The following PTPRM variants were observed in gnomAD, a reference collection of about 807,000 sequenced individuals.
The protein encoded by PTPRM is receptor-type tyrosine-protein phosphatase mu.
Under a neutral mutation model 186.7 loss-of-function variants are expected in PTPRM, and 47 were observed. That is an observed-to-expected ratio of 0.25 (90% CI 0.20 to 0.32). PTPRM has a LOEUF of 0.32. Ranked by LOEUF, PTPRM falls within the 10% of genes least tolerant of loss-of-function variation. PTPRM has a pLI of 1.00. For missense variants in PTPRM, 1,494 were observed against 1,865.0 expected, an observed-to-expected ratio of 0.80 and a Z score of 3.66; for synonymous variants, 668 against 674.9, an observed-to-expected ratio of 0.99 and a Z score of 0.16.
At chr18:7,975,920 C>T (rs1336249351) in intron 7 of PTPRM, among the ~76,000 whole-genome samples, 2 of 152,198 alleles carry the variant, frequency 1.3e-5, no homozygotes, top group African/African-American at 2.4e-5. Context: ...CTTGTAATCC[C>T]AGCACTTTGG....
chr18:8,102,503 C>T (rs1316104508), intron 11 of PTPRM, among the ~76,000 whole-genome samples: 1 of 152,204 alleles, frequency 6.6e-6, no homozygotes, highest in Non-Finnish European at 1.5e-5. Flanking sequence ...AAGTAGATTT[C>T]ATCTCAAGAA....
At chr18:8,003,271 C>T (rs1054585105) in intron 7 of PTPRM, among the ~76,000 whole-genome samples, 2 of 152,172 alleles carry the variant, frequency 1.3e-5, no homozygotes, top group Non-Finnish European at 2.9e-5. Context: ...TGCACAAGCT[C>T]CCTCTTGCCT....
At chr18:7,698,126 T>C (rs940884658) in intron 1 of PTPRM, among the ~76,000 whole-genome samples, 8 of 152,210 alleles carry the variant, frequency 5.3e-5, no homozygotes, top group African/African-American at 1.9e-4. Context: ...TACAACAAAA[T>C]CTCATCCTCA....
intron 5 of PTPRM, among the ~76,000 whole-genome samples, chr18:7,939,799 T>C (rs2146945609): frequency 6.6e-6 from 1 of 152,308 alleles, no homozygotes; most frequent in Non-Finnish European, 1.5e-5. Context: ...GCGATGCCCA[T>C]CCTTCATCAT....
chr18:8,255,099 G>A (rs1433050630), intron 19 of PTPRM, among the ~76,000 whole-genome samples: 1 of 152,204 alleles, frequency 6.6e-6, no homozygotes, highest in African/African-American at 2.4e-5. Context: ...CACTTTTAAA[G>A]TCTAGCTTAG....
intron 1 of PTPRM, among the ~76,000 whole-genome samples, chr18:7,611,402 T>A (rs923245524): frequency 6.6e-6 from 1 of 152,172 alleles, no homozygotes; most frequent in Non-Finnish European, 1.5e-5. Flanking sequence ...TCCTGCGAGC[T>A]CCATTCATGG....
At chr18:7,919,308 A>G (rs534876244) in intron 4 of PTPRM, among the ~76,000 whole-genome samples, 2 of 152,244 alleles carry the variant, frequency 1.3e-5, no homozygotes, top group Admixed American at 6.5e-5. Context: ...AAATTTTAGC[A>G]TTATATTTTC....
chr18:7,924,899 C>T (rs1195404451), intron 4 of PTPRM, among the ~76,000 whole-genome samples: 2 of 152,160 alleles, frequency 1.3e-5, no homozygotes, highest in Non-Finnish European at 2.9e-5. Context: ...GGCACTGTGG[C>T]TTCGTAAACC....
chr18:7,712,131 G>C (rs2040226368), intron 1 of PTPRM, among the ~76,000 whole-genome samples: 1 of 152,100 alleles, frequency 6.6e-6, no homozygotes, highest in Admixed American at 6.5e-5. Flanking sequence ...CATCTGACAG[G>C]TGCCCCTCTG....
At chr18:7,860,069 T>A (rs1206524298) in intron 2 of PTPRM, among the ~76,000 whole-genome samples, 1 of 151,394 alleles carries the variant, frequency 6.6e-6, no homozygotes, top group African/African-American at 2.4e-5. Context: ...TTTTTAAATG[T>A]TTTTATTTTA....
chr18:8,350,515 C>T (rs932757764), intron 23 of PTPRM, among the ~76,000 whole-genome samples: 4 of 152,164 alleles, frequency 2.6e-5, no homozygotes, highest in Non-Finnish European at 4.4e-5. Flanking sequence ...GCTTGCAAAC[C>T]GATAACCCCC....
intron 14 of PTPRM, among the ~76,000 whole-genome samples, chr18:8,237,511 C>T (rs946473675): frequency 2.1e-5 from 3 of 142,350 alleles, no homozygotes; most frequent in African/African-American, 7.8e-5. Flanking sequence ...TGCAATGGCA[C>T]GATCTCAGCT....
chr18:8,184,905 C>T (rs2093622441), intron 14 of PTPRM, among the ~76,000 whole-genome samples: 1 of 152,136 alleles, frequency 6.6e-6, no homozygotes, highest in South Asian at 2.1e-4. Context: ...TAGCAGTTGC[C>T]CAGGTAAGAC....
At chr18:7,586,995 G>A (rs1369926882) in intron 1 of PTPRM, among the ~76,000 whole-genome samples, 1 of 152,000 alleles carries the variant, frequency 6.6e-6, no homozygotes, top group African/African-American at 2.4e-5. Context: ...TTTCCCTATA[G>A]AATCATATCC....
intron 1 of PTPRM, among the ~76,000 whole-genome samples, chr18:7,759,130 C>A (rs981689815): frequency 4.6e-5 from 7 of 152,172 alleles, no homozygotes; most frequent in Non-Finnish European, 1.5e-5. Flanking sequence ...GAAGCCTCCT[C>A]TAGGCAAATT....
intron 2 of PTPRM, among the ~76,000 whole-genome samples, chr18:7,859,513 T>TC (rs1345084192): frequency 1.3e-5 from 2 of 152,246 alleles, no homozygotes; most frequent in Non-Finnish European, 2.9e-5. Flanking sequence ...ACCTGGGGCT[T>TC]CCATGAGCCT....
chr18:8,361,428 T>C (rs1221163655), intron 23 of PTPRM, among the ~76,000 whole-genome samples: 2 of 152,200 alleles, frequency 1.3e-5, no homozygotes, highest in African/African-American at 4.8e-5. Context: ...ACATTTCTTA[T>C]GGGTAAGTCA....
intron 7 of PTPRM, among the ~76,000 whole-genome samples, chr18:8,001,762 T>C (rs1278771430): frequency 1.3e-5 from 2 of 152,206 alleles, no homozygotes; most frequent in Non-Finnish European, 2.9e-5. Context: ...TAGCAGCCAG[T>C]TGGCCTGGTG....
intron 2 of PTPRM, among the ~76,000 whole-genome samples, chr18:7,803,001 A>G (rs1464231551): frequency 2.6e-5 from 4 of 152,184 alleles, no homozygotes; most frequent in Admixed American, 6.5e-5. Context: ...AGGGGAACCT[A>G]ACATGGGTGG....
Sources: allele counts gnomAD v4.1 joint callset (sites outside exome capture counted in the v4.1 genomes callset), GRCh38; gene constraint gnomAD v4.1.1; transcripts MANE v1.5; gene names NCBI Gene and HGNC (gene_info 2026-07-23, HGNC 2026-07-21).